The following EPHA3 variants were observed in gnomAD, a reference collection of about 807,000 sequenced individuals.
EPHA3 encodes the protein ephrin type-A receptor 3.
A neutral mutation model predicts 107.1 loss-of-function variants in EPHA3; 42 were observed. The observed-to-expected ratio is 0.39, with a 90% CI of 0.31 to 0.51. EPHA3 has a LOEUF of 0.51. EPHA3 is among the 20% of genes least tolerant of loss of function. The pLI, the probability that EPHA3 is intolerant of heterozygous loss-of-function variation, is 0.78. For synonymous variants in EPHA3, 461 were observed against 424.8 expected (o/e 1.09, Z -1.05); for missense variants, 1,183 against 1,211.2 (o/e 0.98, Z 0.35).
intron 2 of EPHA3, among the ~76,000 whole-genome samples, chr3:89,169,280 C>A (rs1259907203): frequency 1.3e-5 from 2 of 151,932 alleles, no homozygotes; most frequent in Admixed American, 1.3e-4. Context: ...GTTAGGGCAT[C>A]CACATTTGCA....
At chr3:89,343,657 C>A (rs1005415298) in intron 5 of EPHA3, among the ~76,000 whole-genome samples, 1 of 152,174 alleles carries the variant, frequency 6.6e-6, no homozygotes, top group Non-Finnish European at 1.5e-5. Flanking sequence ...ATTTCTCTTT[C>A]GTTTCCACTT....
chr3:89,321,238 C>T (rs1707037463), intron 3 of EPHA3, among the ~76,000 whole-genome samples: 1 of 151,960 alleles, frequency 6.6e-6, no homozygotes, highest in Non-Finnish European at 1.5e-5. Context: ...TTTGGCAAGT[C>T]CTTCTCCACC....
chr3:89,475,626 G>C (rs1027880621), intron 16 of EPHA3, among the ~76,000 whole-genome samples: 3 of 152,140 alleles, frequency 2.0e-5, no homozygotes, highest in Non-Finnish European at 2.9e-5. Context: ...AGAGAGAAAG[G>C]GAAAGGTTAG....
chr3:89,154,176 C>T (rs546405542), intron 2 of EPHA3, among the ~76,000 whole-genome samples: 10 of 151,974 alleles, frequency 6.6e-5, no homozygotes, highest in African/African-American at 2.4e-4. Flanking sequence ...CTCCTTAGTG[C>T]ATTTACTTGT....
rs566366687 is a variant in EPHA3, at chr3:89,265,336, A to G, written c.814+54816A>G. ...ATAATTTTGGGAAATGTCATATTCA[A>G]TATCCTCCTTCAACAATTAATTTTC... On this transcript the variant is annotated intron_variant, in intron 3 of 16. Coordinates refer to ENST00000336596, the MANE Select transcript of EPHA3 (RefSeq NM_005233.6). Among the ~76,000 whole-genome samples, 4 of 152,300 alleles carry G rather than the reference A, an allele frequency of 2.6e-5. No individual in the cohort carries two copies. In the South Asian group the frequency reaches 8.3e-4, roughly 32 times the overall value.
At chr3:89,164,873 C>G (rs565406595) in intron 2 of EPHA3, among the ~76,000 whole-genome samples, 1 of 152,234 alleles carries the variant, frequency 6.6e-6, no homozygotes, top group Non-Finnish European at 1.5e-5. Flanking sequence ...TCTGATAATA[C>G]TACATTTAAA....
At chr3:89,125,583 C>T (rs1227616060) in intron 1 of EPHA3, among the ~76,000 whole-genome samples, 1 of 151,460 alleles carries the variant, frequency 6.6e-6, no homozygotes, top group African/African-American at 2.4e-5. Flanking sequence ...ACTATGTAAT[C>T]CATGCAGCGG....
At chr3:89,399,662 A>G in intron 7 of EPHA3, 182 bp downstream of exon 7, 2 of 1,264,414 alleles carry the variant, frequency 1.6e-6, no homozygotes, top group Non-Finnish European at 2.0e-6. Context: ...GTGTGGGTGT[A>G]CATTTTGTGT....
intron 3 of EPHA3, among the ~76,000 whole-genome samples, chr3:89,283,336 A>G (rs1407809552): frequency 6.6e-6 from 1 of 152,044 alleles, no homozygotes; most frequent in East Asian, 1.9e-4. Context: ...ATTCTTTCTG[A>G]CATTTATCTG....
At chr3:89,138,191 A>T (rs1704355667) in intron 2 of EPHA3, among the ~76,000 whole-genome samples, 1 of 148,732 alleles carries the variant, frequency 6.7e-6, no homozygotes, top group Non-Finnish European at 1.5e-5. Flanking sequence ...ATTGGATTTT[A>T]CAATAAACAC....
At position 89,341,953 on chromosome 3, in the gene EPHA3, C is replaced by T. The variant is rs1215928276; in HGVS notation, c.1169C>T (p.Thr390Ile). 1.2e-6 allele frequency: 2 copies of T among 1,613,460 alleles called. No individual in the cohort carries two copies. Among genetic ancestry groups the T allele is most frequent in the East Asian group, 2.2e-5 (1 of 44,840 alleles). ...VRFLPRQFGL[T>I]NTTVTVTDLL... Reference sequence around the variant, plus strand: ...TTCCTCCCTCGACAGTTTGGACTCACCAACACCACGGTGACAGTGACAGAC... The same window carrying T: ...TTCCTCCCTCGACAGTTTGGACTCATCAACACCACGGTGACAGTGACAGAC... Residue 390 changes from threonine to isoleucine, a missense_variant, in exon 5 of 17, where the codon ACC becomes ATC. Physicochemically the swap from Thr to Ile is moderately conservative, Grantham distance 89. Coordinates refer to ENST00000336596, the MANE Select transcript of EPHA3 (RefSeq NM_005233.6).
chr3:89,472,746 T>C (rs1710433363), intron 16 of EPHA3, 127 bp downstream of exon 16: 3 of 1,104,896 alleles, frequency 2.7e-6, no homozygotes, highest in East Asian at 5.2e-5. Flanking sequence ...AGGTACTGAC[T>C]ACCGCCTGGA....
At chr3:89,429,825 G>A (rs1317598452) in intron 12 of EPHA3, among the ~76,000 whole-genome samples, 1 of 152,036 alleles carries the variant, frequency 6.6e-6, no homozygotes, top group Admixed American at 6.6e-5. Context: ...GTGCAATGGT[G>A]CAATCTTGGC....
intron 9 of EPHA3, among the ~76,000 whole-genome samples, chr3:89,408,613 T>C (rs1295706429): frequency 2.6e-5 from 4 of 152,102 alleles, no homozygotes; most frequent in African/African-American, 9.7e-5. Context: ...TTACATGATA[T>C]CCAACTAGTA....
chr3:89,425,595 G>T (rs1709438887), intron 11 of EPHA3, among the ~76,000 whole-genome samples: 1 of 151,182 alleles, frequency 6.6e-6, no homozygotes, highest in Non-Finnish European at 1.5e-5. Context: ...ATTATTAAAT[G>T]TAAATATTTA....
intron 2 of EPHA3, among the ~76,000 whole-genome samples, chr3:89,136,561 G>T (rs973404640): frequency 6.6e-6 from 1 of 151,498 alleles, no homozygotes; most frequent in Admixed American, 6.6e-5. Context: ...CATCAAAACA[G>T]TGTTTATGTT....
intron 3 of EPHA3, among the ~76,000 whole-genome samples, chr3:89,228,637 A>G (rs914902208): frequency 2.0e-5 from 3 of 151,968 alleles, no homozygotes; most frequent in African/African-American, 7.2e-5. Flanking sequence ...CCATTAAGGC[A>G]TTATACAAAA....
chr3:89,345,840 C>G (rs1282373325), intron 5 of EPHA3, among the ~76,000 whole-genome samples: 1 of 133,156 alleles, frequency 7.5e-6, no homozygotes, highest in Admixed American at 8.1e-5. Context: ...TTGTTCAATT[C>G]CCACCTATGA....
At chr3:89,455,502 T>C (rs1350468538) in intron 15 of EPHA3, among the ~76,000 whole-genome samples, 1 of 152,168 alleles carries the variant, frequency 6.6e-6, no homozygotes, top group Non-Finnish European at 1.5e-5. Context: ...GACTTTGAAA[T>C]ATTTTTCAAA....
Sources: allele counts gnomAD v4.1 joint callset (sites outside exome capture counted in the v4.1 genomes callset), GRCh38; gene constraint gnomAD v4.1.1; transcripts MANE v1.5; gene names NCBI Gene and HGNC (gene_info 2026-07-23, HGNC 2026-07-21).